Variants in SNAP25 observed in about 807,000 individuals in gnomAD.
The protein encoded by SNAP25 is synaptosome associated protein 25.
A neutral mutation model predicts 28.7 loss-of-function variants in SNAP25; 3 were observed. The observed-to-expected ratio is 0.10, with a 90% CI of 0.05 to 0.27. The LOEUF is 0.27. Ranked by LOEUF, SNAP25 falls within the 10% of genes least tolerant of loss-of-function variation. The probability of loss-of-function intolerance (pLI) is 1.00; values close to 1 mark genes in which losing one functional copy is unlikely to be tolerated. For missense variants in SNAP25, 117 were observed against 278.7 expected (o/e 0.42, Z 4.13); for synonymous variants, 61 against 88.1 (o/e 0.69, Z 1.72).
intron 4 of SNAP25, among the ~76,000 whole-genome samples, chr20:10,286,573 G>A (rs1568618525): frequency 1.3e-5 from 2 of 152,156 alleles, no homozygotes; most frequent in South Asian, 2.1e-4. Context: ...CCATTGGCTT[G>A]AAGCATCCCA....
At chr20:10,263,244 C>T (rs1370085206) in intron 1 of SNAP25, among the ~76,000 whole-genome samples, 1 of 151,770 alleles carries the variant, frequency 6.6e-6, no homozygotes, top group African/African-American at 2.4e-5. Flanking sequence ...TGGTCTCGAT[C>T]TCCTGACCTC....
intron 1 of SNAP25, among the ~76,000 whole-genome samples, chr20:10,253,005 C>G (rs955688773): frequency 1.3e-5 from 2 of 152,124 alleles, no homozygotes; most frequent in Admixed American, 6.6e-5. Flanking sequence ...GTGCTTAGCA[C>G]AGCACCTGGT....
rs180964434 is a variant in SNAP25, at chr20:10,231,391, A to C, written c.-64+12414A>C. 5 of 152,354 alleles carry C rather than the reference A, an allele frequency of 3.3e-5. No homozygotes were observed. In the East Asian group the frequency reaches 9.6e-4, roughly 29 times the overall value. The allele number at this position is 152,354 out of a possible 1,614,324, so 9.4% of individuals were successfully genotyped here. A position where few individuals can be genotyped will look rare whatever the true frequency, so the allele number is the denominator to read the frequency against. ...ACATTGCAGATGACCAGGCCCAGAG[A>C]TAAATTTCACACCAAGGTCACAGGG... On this transcript the variant is annotated intron_variant, in intron 1 of 7. Transcript: ENST00000254976.
chr20:10,240,952 G>A (rs980685181), intron 1 of SNAP25, among the ~76,000 whole-genome samples: 1 of 152,162 alleles, frequency 6.6e-6, no homozygotes, highest in African/African-American at 2.4e-5. Flanking sequence ...GCAGGCTTTG[G>A]GGGTCCCTGA....
At chr20:10,275,608 G>A in intron 2 of SNAP25, 45 bp downstream of exon 2, 1 of 1,522,206 alleles carries the variant, frequency 6.6e-7, no homozygotes, top group Non-Finnish European at 8.9e-7. Context: ...ATGAAGGCCT[G>A]AGTGGTTTGT....
chr20:10,246,304 CTG>C (rs947166149), intron 1 of SNAP25, among the ~76,000 whole-genome samples: 1 of 152,150 alleles, frequency 6.6e-6, no homozygotes, highest in Admixed American at 6.5e-5. Context: ...CTGCACACAT[CTG>C]TGCATGTATG....
chr20:10,266,418 A>C (rs938596029), intron 1 of SNAP25, among the ~76,000 whole-genome samples: 1 of 152,170 alleles, frequency 6.6e-6, no homozygotes, highest in Admixed American at 6.5e-5. Context: ...CTCCAAACAA[A>C]TCCAAGTACT....
intron 2 of SNAP25, among the ~76,000 whole-genome samples, chr20:10,276,100 A>G (rs2123007340): frequency 6.6e-6 from 1 of 152,368 alleles, no homozygotes; most frequent in Non-Finnish European, 1.5e-5. Flanking sequence ...AAGGTATAAT[A>G]ATGTGTTACC....
At chr20:10,277,861 G>A (rs1296495256) in intron 3 of SNAP25, 135 bp downstream of exon 3, 15 of 770,452 alleles carry the variant, frequency 1.9e-5, no homozygotes, top group Middle Eastern at 2.3e-4. Flanking sequence ...GAAAGGCACA[G>A]AATGAGGGAG....
At chr20:10,282,478 C>A (rs185880164) in intron 3 of SNAP25, among the ~76,000 whole-genome samples, 1 of 152,162 alleles carries the variant, frequency 6.6e-6, no homozygotes, top group Non-Finnish European at 1.5e-5. Flanking sequence ...AACTCTTGCT[C>A]CCTCAAATTA....
chr20:10,220,187 C>G (rs941262850), intron 1 of SNAP25, among the ~76,000 whole-genome samples: 1 of 152,198 alleles, frequency 6.6e-6, no homozygotes, highest in African/African-American at 2.4e-5. Context: ...ATTAGCTGAA[C>G]TAAGCAGAAT....
At chr20:10,233,930 T>C (rs529367014) in intron 1 of SNAP25, among the ~76,000 whole-genome samples, 6 of 152,328 alleles carry the variant, frequency 3.9e-5, no homozygotes, top group African/African-American at 1.4e-4. Context: ...TATGTGCTTT[T>C]TCCTCCCAAC....
At chr20:10,291,784 G>A (rs2064004013) in intron 4 of SNAP25, among the ~76,000 whole-genome samples, 2 of 152,192 alleles carry the variant, frequency 1.3e-5, no homozygotes, top group African/African-American at 4.8e-5. Context: ...AGGCATGCAT[G>A]CATGAAAATA....
At chr20:10,228,057 T>C (rs2062763599) in intron 1 of SNAP25, among the ~76,000 whole-genome samples, 1 of 152,124 alleles carries the variant, frequency 6.6e-6, no homozygotes, top group African/African-American at 2.4e-5. Context: ...GGGCATGATT[T>C]GGTAAATAAG....
chr20:10,261,228 C>T (rs1342212408), intron 1 of SNAP25, among the ~76,000 whole-genome samples: 1 of 152,092 alleles, frequency 6.6e-6, no homozygotes, highest in Non-Finnish European at 1.5e-5. Flanking sequence ...GTTCTCCTCC[C>T]AGCTTTAAGG....
intron 3 of SNAP25, 123 bp downstream of exon 3, chr20:10,277,849 C>A (rs1438763647): frequency 2.4e-6 from 2 of 846,886 alleles, no homozygotes; most frequent in East Asian, 5.3e-5. Flanking sequence ...TGTAGCCTAT[C>A]AGAAAGGCAC....
chr20:10,277,579 A>G lies in SNAP25; in HGVS notation c.73-106A>G, dbSNP rs879806396. 2.0e-5 allele frequency: 19 copies of G among 930,300 alleles called. No individual in the cohort carries two copies. The Admixed American group carries it at 4.1e-4, about 20-fold the overall frequency. 57.6% of individuals were successfully genotyped at this position (930,300 alleles called of 1,614,324 possible). On this transcript the variant is annotated intron_variant, in intron 2 of 7. Transcript: ENST00000254976. ...ACTTGCCAACTGAAAAGAATATGTG[A>G]CAGAGACCCTTTGTGTTTCTCAAGT...
At chr20:10,284,612 TGG>T in intron 3 of SNAP25, 110 bp from the exon 4 acceptor site, 1 of 827,116 alleles carries the variant, frequency 1.2e-6, no homozygotes, top group Admixed American at 2.0e-5. Flanking sequence ...TTTTTTCTTT[TGG>T]TCCTTCTTCA....
chr20:10,294,923 TC>T (rs2064077949), intron 5 of SNAP25, among the ~76,000 whole-genome samples: 4 of 152,110 alleles, frequency 2.6e-5, no homozygotes, highest in Admixed American at 2.6e-4. Flanking sequence ...AGATACATTT[TC>T]CCCCCTTCAT....
Sources: allele counts gnomAD v4.1 joint callset (sites outside exome capture counted in the v4.1 genomes callset), GRCh38; gene constraint gnomAD v4.1.1; transcripts MANE v1.5; gene names NCBI Gene and HGNC (gene_info 2026-07-23, HGNC 2026-07-21).